The following CACNB2 variants were observed in gnomAD, a reference collection of about 807,000 sequenced individuals.
CACNB2 encodes the protein calcium voltage-gated channel auxiliary subunit beta 2.
Under a neutral mutation model 73.3 loss-of-function variants are expected in CACNB2, and 42 were observed. The ratio of observed to expected loss-of-function variants is 0.57; its 90% CI spans 0.45 to 0.74. CACNB2 has a LOEUF of 0.74. Ranked by LOEUF, CACNB2 falls within the 30% of genes least tolerant of loss-of-function variation. The probability of loss-of-function intolerance (pLI) is 0.00; values close to 1 mark genes in which losing one functional copy is unlikely to be tolerated. For missense variants in CACNB2, 940 were observed against 853.0 expected, an observed-to-expected ratio of 1.10 and a Z score of -1.27; for synonymous variants, 348 against 310.3, an observed-to-expected ratio of 1.12 and a Z score of -1.28.
chr10:18,309,789 T>C (rs2039888243), intron 2 of CACNB2, among the ~76,000 whole-genome samples: 1 of 152,166 alleles, frequency 6.6e-6, no homozygotes, highest in African/African-American at 2.4e-5. Flanking sequence ...ATCTGGTGTA[T>C]TTCTGTTTGT....
intron 11 of CACNB2, among the ~76,000 whole-genome samples, chr10:18,535,434 C>G (rs1490583609): frequency 6.6e-6 from 1 of 151,980 alleles, no homozygotes; most frequent in Non-Finnish European, 1.5e-5. Flanking sequence ...ATGAAGCCAG[C>G]CAGCCAGCCA....
intron 2 of CACNB2, among the ~76,000 whole-genome samples, chr10:18,272,463 C>T (rs1476162700): frequency 6.6e-6 from 1 of 152,120 alleles, no homozygotes; most frequent in Non-Finnish European, 1.5e-5. Flanking sequence ...TCACCTCTTT[C>T]TAATTTAAAA....
intron 2 of CACNB2, among the ~76,000 whole-genome samples, chr10:18,358,862 C>G (rs1242462653): frequency 6.6e-6 from 1 of 152,162 alleles, no homozygotes; most frequent in African/African-American, 2.4e-5. Flanking sequence ...TACAGCATCA[C>G]AGACCAAAAC....
intron 2 of CACNB2, among the ~76,000 whole-genome samples, chr10:18,158,591 T>A (rs985442323): frequency 2.6e-5 from 4 of 152,210 alleles, no homozygotes; most frequent in African/African-American, 9.6e-5. Context: ...ATTCTTAATC[T>A]TTTGTATTTA....
chr10:18,182,825 A>G (rs2033957751), intron 2 of CACNB2, among the ~76,000 whole-genome samples: 1 of 151,816 alleles, frequency 6.6e-6, no homozygotes, highest in Non-Finnish European at 1.5e-5. Context: ...CTGTCTCAAA[A>G]AAAAAAAAAA....
At chr10:18,409,885 C>G (rs1036590981) in intron 3 of CACNB2, among the ~76,000 whole-genome samples, 37 of 152,160 alleles carry the variant, frequency 2.4e-4, no homozygotes, top group African/African-American at 8.2e-4. Flanking sequence ...TTTAATCCTC[C>G]TATGTTCAGT....
chr10:18,241,318 A>C (rs1482433604), intron 2 of CACNB2, among the ~76,000 whole-genome samples: 1 of 152,234 alleles, frequency 6.6e-6, no homozygotes, highest in Non-Finnish European at 1.5e-5. Flanking sequence ...AATAAAATGC[A>C]TTAAAGAGAC....
chr10:18,358,693 A>C (rs1396583949), intron 2 of CACNB2, among the ~76,000 whole-genome samples: 1 of 152,166 alleles, frequency 6.6e-6, no homozygotes, highest in Non-Finnish European at 1.5e-5. Context: ...AGAGCAATAG[A>C]GTATGATAGA....
At chr10:18,467,085 C>T (rs924171720) in intron 3 of CACNB2, among the ~76,000 whole-genome samples, 13 of 152,082 alleles carry the variant, frequency 8.5e-5, no homozygotes, top group South Asian at 8.3e-4. Context: ...ACTCAGGAGG[C>T]GGAAGTTGCA....
At chr10:18,373,334 C>T (rs1182873870) in intron 2 of CACNB2, among the ~76,000 whole-genome samples, 4 of 152,174 alleles carry the variant, frequency 2.6e-5, no homozygotes, top group Non-Finnish European at 2.9e-5. Flanking sequence ...ATTGATTCTA[C>T]TGCTATATTT....
At chr10:18,235,319 A>G (rs1026357674) in intron 2 of CACNB2, among the ~76,000 whole-genome samples, 1 of 149,742 alleles carries the variant, frequency 6.7e-6, no homozygotes, top group Non-Finnish European at 1.5e-5. Context: ...TTAGCCAGGC[A>G]CAGCAGTGCA....
At chr10:18,229,017 C>G (rs1184300897) in intron 2 of CACNB2, among the ~76,000 whole-genome samples, 1 of 152,194 alleles carries the variant, frequency 6.6e-6, no homozygotes, top group Non-Finnish European at 1.5e-5. Context: ...GGTGGGATTA[C>G]AGGCATGAGC....
At chr10:18,516,282 C>T (rs528565444) in intron 7 of CACNB2, among the ~76,000 whole-genome samples, 84 of 151,990 alleles carry the variant, frequency 5.5e-4, no homozygotes, top group African/African-American at 1.9e-3. Context: ...AAAATGATGG[C>T]GTCATTCTTC....
chr10:18,264,584 T>G (rs1386793487), intron 2 of CACNB2, among the ~76,000 whole-genome samples: 1 of 152,190 alleles, frequency 6.6e-6, no homozygotes, highest in East Asian at 1.9e-4. Flanking sequence ...GTTTTTCCTG[T>G]TTCTGAATTT....
intron 2 of CACNB2, among the ~76,000 whole-genome samples, chr10:18,321,893 C>T (rs2040410093): frequency 6.6e-6 from 1 of 152,080 alleles, no homozygotes; most frequent in Non-Finnish European, 1.5e-5. Context: ...TGGCTCACAC[C>T]TATAATCCCA....
rs144038221 is a variant in CACNB2 at position 18,313,804 on chromosome 10, C to A, written c.214-88120C>A. ...TGCAGATGTATTCCATTGAGGAAAG[C>A]GGTATGTTCCCACACTAGCGAAAAA... On this transcript the variant is annotated intron_variant, in intron 2 of 13. Coordinates refer to ENST00000324631, the MANE Select transcript of CACNB2 (RefSeq NM_201596.3). Among the ~76,000 whole-genome samples, 225 of 152,290 alleles carry A rather than the reference C, an allele frequency of 1.5e-3. 1 individual carries two copies. Among genetic ancestry groups the A allele is most frequent in the African/African-American group, 5.2e-3 (216 of 41,572 alleles).
intron 3 of CACNB2, among the ~76,000 whole-genome samples, chr10:18,407,407 C>A (rs1443616922): frequency 6.6e-6 from 1 of 151,834 alleles, no homozygotes; most frequent in Non-Finnish European, 1.5e-5. Context: ...CAGATGTGGC[C>A]CACCATGCCC....
intron 3 of CACNB2, among the ~76,000 whole-genome samples, chr10:18,452,697 A>G (rs2047073094): frequency 6.6e-6 from 1 of 152,182 alleles, no homozygotes; most frequent in Admixed American, 6.5e-5. Flanking sequence ...GGTGCACACC[A>G]ACACACCGGG....
At chr10:18,502,514 C>T (rs993750399) in intron 5 of CACNB2, among the ~76,000 whole-genome samples, 2 of 149,530 alleles carry the variant, frequency 1.3e-5, no homozygotes, top group African/African-American at 5.0e-5. Flanking sequence ...CATTGTGAAA[C>T]CCCGTCTCTA....
Sources: gnomAD v4.1 joint callset for allele counts (sites outside exome capture counted in the v4.1 genomes callset) on GRCh38, gnomAD v4.1.1 for gene constraint, MANE v1.5 for transcripts, NCBI Gene and HGNC (gene_info 2026-07-23, HGNC 2026-07-21) for gene names.